GPHN: variants seen among roughly 807,000 people sequenced by gnomAD.
GPHN encodes the protein gephyrin.
In GPHN, 17 loss-of-function variants were observed where a neutral mutation model predicts 95.5. The ratio of observed to expected loss-of-function variants is 0.18; its 90% confidence interval spans 0.12 to 0.27. The LOEUF (loss-of-function observed/expected upper bound fraction) is 0.27. GPHN is among the 10% of genes least tolerant of loss of function. The pLI, the probability that GPHN is intolerant of heterozygous loss-of-function variation, is 1.00. For missense variants in GPHN, 660 were observed against 978.1 expected (o/e 0.67, Z 4.34); for synonymous variants, 320 against 322.5 (o/e 0.99, Z 0.08).
chr14:66,884,681 T>C (rs1440064931), intron 5 of GPHN, among the ~76,000 whole-genome samples: 1 of 151,978 alleles, frequency 6.6e-6, no homozygotes, highest in Admixed American at 6.6e-5. Context: ...TGTCATGGAT[T>C]TTATTCTCAG....
the GPHN span, among the ~76,000 whole-genome samples, chr14:67,315,994 C>T: frequency 6.6e-6 from 1 of 152,218 alleles, no homozygotes; most frequent in African/African-American, 2.4e-5. Context: ...TTTGTTAGTA[C>T]ACTTACGAAA....
chr14:67,246,652 T>TG, the GPHN span, among the ~76,000 whole-genome samples: 954 of 145,726 alleles, frequency 6.5e-3, 10 homozygotes, highest in African/African-American at 0.022. Context: ...ACTATAGGTT[T>TG]TTTTTTTTTT....
intron 4 of GPHN, among the ~76,000 whole-genome samples, chr14:66,830,002 G>T (rs1449504639): frequency 6.6e-6 from 1 of 152,012 alleles, no homozygotes; most frequent in Admixed American, 6.6e-5. Context: ...TGAATTTTAG[G>T]GTCTATAAAT....
At chr14:66,540,971 G>A (rs575357699) in intron 1 of GPHN, among the ~76,000 whole-genome samples, 157 of 149,356 alleles carry the variant, frequency 1.1e-3, no homozygotes, top group African/African-American at 3.3e-3. Context: ...TTTCTGAGAC[G>A]GAGTCTCCCA....
the GPHN span, chr14:67,647,000 C>T: frequency 2.8e-5 from 45 of 1,611,898 alleles, no homozygotes; most frequent in African/African-American, 3.1e-4. Context: ...GGTCATGGAA[C>T]GAACATTTGA....
intron 2 of GPHN, among the ~76,000 whole-genome samples, chr14:66,753,807 T>C (rs2058459666): frequency 1.3e-5 from 2 of 152,122 alleles, no homozygotes; most frequent in African/African-American, 4.8e-5. Flanking sequence ...CACAATGTAA[T>C]TTCAAACATT....
At chr14:67,019,489 A>G (rs895251760) in intron 9 of GPHN, among the ~76,000 whole-genome samples, 2 of 152,230 alleles carry the variant, frequency 1.3e-5, no homozygotes, top group South Asian at 4.1e-4. Flanking sequence ...AAGGAATACA[A>G]ATTAGCCTGG....
chr14:67,180,538 A>T (rs756605279), intron 22 of GPHN, among the ~76,000 whole-genome samples: 2 of 152,184 alleles, frequency 1.3e-5, no homozygotes, highest in Non-Finnish European at 2.9e-5. Context: ...TGAATTGAGA[A>T]ATTCTATGGC....
At chr14:66,752,979 T>G (rs2058426168) in intron 2 of GPHN, among the ~76,000 whole-genome samples, 1 of 151,108 alleles carries the variant, frequency 6.6e-6, no homozygotes, top group African/African-American at 2.4e-5. Context: ...AATAAATAAT[T>G]GTAATATAGA....
At chr14:67,550,053 C>A in the GPHN span, among the ~76,000 whole-genome samples, 2 of 151,674 alleles carry the variant, frequency 1.3e-5, no homozygotes, top group Non-Finnish European at 2.9e-5. Flanking sequence ...TACAGTGGAG[C>A]CCACAGACAA....
intron 1 of GPHN, among the ~76,000 whole-genome samples, chr14:66,638,747 A>G (rs2064238724): frequency 6.6e-6 from 1 of 151,728 alleles, no homozygotes; most frequent in Non-Finnish European, 1.5e-5. Flanking sequence ...CTTTTCCATA[A>G]TGAAAAAGTT....
In GPHN at chr14:66,645,548, C is replaced by T. The variant is rs572985345; in HGVS notation, c.65-35559C>T. Among the ~76,000 whole-genome samples the T allele has an allele frequency of 5.9e-4, 90 of 151,930 alleles. 1 individual carries two copies. Among genetic ancestry groups the T allele is most frequent in the Non-Finnish European group, 7.9e-4 (54 of 67,950 alleles). On this transcript the variant is annotated intron_variant, in intron 1 of 22. Coordinates refer to ENST00000478722, the MANE Select transcript of GPHN (RefSeq NM_020806.5). ...TATACTAAAAATACAAAAAGTTAGCCAGCCGTGGTGGTGGGCACTTGCAAT... is the reference window on the plus strand; with the variant it reads ...TATACTAAAAATACAAAAAGTTAGCTAGCCGTGGTGGTGGGCACTTGCAAT...
At chr14:67,351,851 G>C in the GPHN span, among the ~76,000 whole-genome samples, 1 of 144,476 alleles carries the variant, frequency 6.9e-6, no homozygotes, top group Admixed American at 7.4e-5. Flanking sequence ...AAAAGAAAAG[G>C]CGTGGAAAAA....
the GPHN span, among the ~76,000 whole-genome samples, chr14:67,396,656 A>T: frequency 1.3e-5 from 2 of 152,250 alleles, no homozygotes; most frequent in Non-Finnish European, 2.9e-5. Context: ...CCTGTCCAGA[A>T]TGACTGCCTC....
the GPHN span, among the ~76,000 whole-genome samples, chr14:67,538,829 G>A: frequency 4.6e-5 from 7 of 152,244 alleles, no homozygotes; most frequent in Admixed American, 1.3e-4. Context: ...ATGATGTTAC[G>A]GAGATGCTTG....
the GPHN span, among the ~76,000 whole-genome samples, chr14:67,381,022 TTTTG>T: frequency 2.6e-5 from 4 of 152,306 alleles, no homozygotes; most frequent in South Asian, 2.1e-4. Context: ...GGTTTGATTG[TTTTG>T]TTTTAGTGCA....
At chr14:67,724,530 G>A in the GPHN span, 1 of 1,613,908 alleles carries the variant, frequency 6.2e-7, no homozygotes, top group Non-Finnish European at 8.5e-7. Flanking sequence ...GCAAGGTAGT[G>A]GTGATCACTG....
At chr14:67,695,412 G>C in the GPHN span, among the ~76,000 whole-genome samples, 1 of 152,212 alleles carries the variant, frequency 6.6e-6, no homozygotes, top group Non-Finnish European at 1.5e-5. Context: ...GAAAAGCAGT[G>C]TGCCCCGGAC....
intron 1 of GPHN, among the ~76,000 whole-genome samples, chr14:66,510,636 G>T (rs967477159): frequency 6.6e-6 from 1 of 152,222 alleles, no homozygotes; most frequent in African/African-American, 2.4e-5. Context: ...GATTAGGAGA[G>T]AATGTGACTA....
Sources: gnomAD v4.1 joint callset for allele counts (sites outside exome capture counted in the v4.1 genomes callset) on GRCh38, gnomAD v4.1.1 for gene constraint, MANE v1.5 for transcripts, NCBI Gene and HGNC (gene_info 2026-07-23, HGNC 2026-07-21) for gene names.